Variants in SLC35F4 observed in about 807,000 individuals in gnomAD.
SLC35F4 encodes the protein chromosome 14 open reading frame 36.
Under a neutral mutation model 44.2 loss-of-function variants are expected in SLC35F4, and 24 were observed. The observed-to-expected ratio is 0.54, with a 90% confidence interval of 0.39 to 0.76. The LOEUF is 0.76. Ranked by LOEUF, SLC35F4 falls within the 30% of genes least tolerant of loss-of-function variation. The pLI is 0.00. For synonymous variants in SLC35F4, 238 were observed against 223.6 expected, an observed-to-expected ratio of 1.06 and a Z score of -0.57; for missense variants, 562 against 586.1, an observed-to-expected ratio of 0.96 and a Z score of 0.42.
intron 1 of SLC35F4, among the ~76,000 whole-genome samples, chr14:57,622,827 T>TAAAA (rs1042001083): frequency 6.6e-6 from 1 of 150,914 alleles, no homozygotes; most frequent in African/African-American, 2.4e-5. Context: ...AATAAAAAAA[T>TAAAA]AAAAAATAAA....
intron 1 of SLC35F4, among the ~76,000 whole-genome samples, chr14:57,608,050 A>G (rs905042994): frequency 1.4e-4 from 21 of 152,308 alleles, no homozygotes; most frequent in Admixed American, 1.1e-3. Flanking sequence ...GTTTAAGTGC[A>G]TGAAACTCAT....
At chr14:57,743,657 C>T (rs1210363839) in intron 1 of SLC35F4, among the ~76,000 whole-genome samples, 2 of 152,170 alleles carry the variant, frequency 1.3e-5, no homozygotes, top group Non-Finnish European at 2.9e-5. Context: ...CAAAGAGGAG[C>T]TGGTACCATT....
At chr14:57,868,385 C>T (rs1888226974), upstream of SLC35F4, among the ~76,000 whole-genome samples, 1 of 152,080 alleles carries the variant, frequency 6.6e-6, no homozygotes, top group Admixed American at 6.5e-5. Flanking sequence ...GTCATGAACA[C>T]TCTTGGCATA....
intron 1 of SLC35F4, among the ~76,000 whole-genome samples, chr14:57,637,387 G>A (rs1005947813): frequency 2.6e-5 from 4 of 152,110 alleles, no homozygotes; most frequent in Admixed American, 2.0e-4. Context: ...AAGTCAGAAA[G>A]TGTCTCCTAA....
intron 1 of SLC35F4, chr14:57,630,816 A>G (rs1351876723): frequency 3.3e-6 from 2 of 611,692 alleles, no homozygotes; most frequent in African/African-American, 3.9e-5. Context: ...TCCCTGTACC[A>G]GGCAATGATC....
chr14:57,590,086 T>G (rs1314836331), intron 2 of SLC35F4, among the ~76,000 whole-genome samples: 7 of 151,790 alleles, frequency 4.6e-5, no homozygotes, highest in Non-Finnish European at 1.0e-4. Flanking sequence ...CCTTTTTTTT[T>G]TTTTTTTACG....
chr14:57,765,774 G>A (rs1423903102), intron 1 of SLC35F4, among the ~76,000 whole-genome samples: 1 of 152,190 alleles, frequency 6.6e-6, no homozygotes, highest in Non-Finnish European at 1.5e-5. Context: ...TAGTCAATAT[G>A]AAATTAATAT....
intron 1 of SLC35F4, among the ~76,000 whole-genome samples, chr14:57,759,926 CTAATA>C (rs2077085897): frequency 7.0e-6 from 1 of 142,166 alleles, no homozygotes; most frequent in Non-Finnish European, 1.5e-5. Context: ...AAGGAGTTTT[CTAATA>C]TATTTTGAAT....
Position 57,581,431 on chromosome 14 carries a change from TC to T in SLC35F4, c.589del (p.Glu197AsnfsTer11). 6.2e-7 allele frequency: 1 copy of T among 1,606,156 alleles called. No individual in the cohort carries two copies. On this transcript the variant is annotated frameshift_variant and splice_region_variant, in exon 4 of 8. Coordinates refer to ENST00000556826, the MANE Select transcript of SLC35F4 (RefSeq NM_001306087.2). LOFTEE classifies it high-confidence loss of function. Reference protein sequence around the residue: ...EKQSPMKKFRECSRIFGEDGL... With the variant: ...EKQSPMKKFRXCSRIFGEDGL... ...ATCTTCACCAAAAATCCGACTGCATTCCCTAGGAAAGAAAAGAGAAGTTAAT... is the reference window on the plus strand; with the variant it reads ...ATCTTCACCAAAAATCCGACTGCATTCCTAGGAAAGAAAAGAGAAGTTAAT...
At chr14:57,743,378 A>C (rs1434699805) in intron 1 of SLC35F4, among the ~76,000 whole-genome samples, 2 of 152,214 alleles carry the variant, frequency 1.3e-5, no homozygotes, top group Non-Finnish European at 2.9e-5. Flanking sequence ...CGCAACAAAA[A>C]ATGATAAAGG....
chr14:57,956,755 C>A (rs543876713), intron 1 of SLC35F4, among the ~76,000 whole-genome samples: 1 of 152,090 alleles, frequency 6.6e-6, no homozygotes, highest in Non-Finnish European at 1.5e-5. Flanking sequence ...CCATCTCATG[C>A]CAGTTAGAAT....
At chr14:57,656,815 C>G (rs1411257436) in intron 1 of SLC35F4, among the ~76,000 whole-genome samples, 1 of 152,112 alleles carries the variant, frequency 6.6e-6, no homozygotes, top group Non-Finnish European at 1.5e-5. Flanking sequence ...TGACATGTGC[C>G]AAATTCTAGT....
At chr14:57,706,406 T>C (rs1427068704) in intron 1 of SLC35F4, among the ~76,000 whole-genome samples, 3 of 152,182 alleles carry the variant, frequency 2.0e-5, no homozygotes, top group African/African-American at 7.2e-5. Context: ...TATATTCACT[T>C]ACTACAGGTT....
At chr14:57,834,719 T>A (rs1476865612) in intron 1 of SLC35F4, among the ~76,000 whole-genome samples, 1 of 152,188 alleles carries the variant, frequency 6.6e-6, no homozygotes, top group African/African-American at 2.4e-5. Flanking sequence ...TAAAAATTGC[T>A]TCTCAGAGAA....
chr14:57,574,390 C>A (rs1014318226), intron 4 of SLC35F4, among the ~76,000 whole-genome samples: 5 of 152,160 alleles, frequency 3.3e-5, no homozygotes, highest in African/African-American at 1.2e-4. Flanking sequence ...GTGTCTCTTT[C>A]AATTGCCTTC....
chr14:57,902,059 T>A (rs1197560818), intron 1 of SLC35F4, among the ~76,000 whole-genome samples: 2 of 152,174 alleles, frequency 1.3e-5, no homozygotes, highest in Non-Finnish European at 2.9e-5. Flanking sequence ...AAAGTTCAGG[T>A]GCCAACACCT....
In SLC35F4 at chr14:57,667,015, G is replaced by A. The variant is rs78527754; in HGVS notation, c.104-72891C>T. 1.8e-4 allele frequency among the ~76,000 whole-genome samples: 28 copies of A among 151,448 alleles called. No individual in the cohort carries two copies. In the East Asian group the frequency reaches 4.2e-3, roughly 23 times the overall value. On this transcript the variant is annotated intron_variant, in intron 1 of 7. Transcript: ENST00000556826. ...TATGAATTATTCTGTGGGAGGAAGC[G>A]TGGGCAAAGGCATCAGGTACATGTG... is the stretch of plus-strand genomic sequence containing the variant.
intron 1 of SLC35F4, among the ~76,000 whole-genome samples, chr14:57,690,544 G>A (rs1168096725): frequency 1.3e-5 from 2 of 152,096 alleles, no homozygotes; most frequent in South Asian, 4.1e-4. Context: ...GGGGAAAGGG[G>A]TGGTGATGAG....
intron 1 of SLC35F4, among the ~76,000 whole-genome samples, chr14:57,594,531 A>G (rs2070380486): frequency 1.3e-5 from 2 of 152,226 alleles, no homozygotes; most frequent in Non-Finnish European, 2.9e-5. Flanking sequence ...GTCTGTGCCT[A>G]TAAGATAAAG....
Sources: gnomAD v4.1 joint callset for allele counts (sites outside exome capture counted in the v4.1 genomes callset) on GRCh38, gnomAD v4.1.1 for gene constraint, MANE v1.5 for transcripts, NCBI Gene and HGNC (gene_info 2026-07-23, HGNC 2026-07-21) for gene names.